The following RPH3AL variants were observed in gnomAD, a reference collection of about 807,000 sequenced individuals.
The protein encoded by RPH3AL is rabphilin 3A like (without C2 domains), also known as rab effector Noc2.
In RPH3AL, 38 loss-of-function variants were observed where a neutral mutation model predicts 43.1. The ratio of observed to expected loss-of-function variants is 0.88; its 90% CI spans 0.68 to 1.15. The LOEUF (loss-of-function observed/expected upper bound fraction) is 1.15. Among genes scored for constraint, RPH3AL ranks in the 50% most tolerant of loss-of-function variants. The pLI is 0.00. For synonymous variants in RPH3AL, 189 were observed against 176.3 expected, an observed-to-expected ratio of 1.07 and a Z score of -0.57; for missense variants, 462 against 423.2, an observed-to-expected ratio of 1.09 and a Z score of -0.81.
chr17:321,481 C>T, intron 3 of RPH3AL, 66 bp from the exon 4 acceptor site: 2 of 1,465,638 alleles, frequency 1.4e-6, no homozygotes, highest in South Asian at 2.8e-5. Flanking sequence ...GCCCCTACCA[C>T]ATCCACCAAG....
At chr17:279,625 T>C (rs2042732131) in intron 6 of RPH3AL, among the ~76,000 whole-genome samples, 1 of 152,132 alleles carries the variant, frequency 6.6e-6, no homozygotes, top group South Asian at 2.1e-4. Context: ...CTTGCTAAAT[T>C]TGTCTTTCCT....
Position 245,098 on chromosome 17 carries a change from C to T in RPH3AL, c.613+2013G>A, listed in dbSNP as rs191995464. ...ATGTGCATGCGCAAGTGTGTGTAGA[C>T]GTGTGTGTACATGTGGATGTGTGTG... On this transcript the variant is annotated intron_variant, in intron 7 of 9. Transcript: ENST00000331302. This position sits in a 1 kb window ranked among gnomAD's most constrained non-coding sequence, Gnocchi z 5.9. Among the ~76,000 whole-genome samples the T allele has an allele frequency of 8.7e-4, 129 of 147,954 alleles. 1 individual carries two copies. In the East Asian group the frequency reaches 0.019, roughly 22 times the overall value.
chr17:229,169 G>A (rs530982564), intron 7 of RPH3AL, among the ~76,000 whole-genome samples: 13 of 152,246 alleles, frequency 8.5e-5, no homozygotes, highest in Admixed American at 2.6e-4. Flanking sequence ...AAAGAAGCAG[G>A]GAAGACGCAA....
At chr17:229,620 A>C (rs2041182693) in intron 7 of RPH3AL, among the ~76,000 whole-genome samples, 1 of 152,022 alleles carries the variant, frequency 6.6e-6, no homozygotes. Flanking sequence ...ACTCAGGGGG[A>C]TGCTTGGTGG....
intron 7 of RPH3AL, among the ~76,000 whole-genome samples, chr17:230,988 T>C (rs774427915): frequency 6.6e-6 from 1 of 152,204 alleles, no homozygotes; most frequent in South Asian, 2.1e-4. Flanking sequence ...ACCTGGCCTC[T>C]TGCTGATGTT....
chr17:315,645 G>A (rs2044022710), intron 5 of RPH3AL, among the ~76,000 whole-genome samples: 1 of 150,308 alleles, frequency 6.7e-6, no homozygotes, highest in Admixed American at 6.6e-5. Flanking sequence ...CTGACCTGTA[G>A]TCCCTGTGCT....
intron 5 of RPH3AL, among the ~76,000 whole-genome samples, chr17:302,362 C>T (rs190516433): frequency 2.6e-5 from 4 of 152,202 alleles, no homozygotes; most frequent in South Asian, 2.1e-4. Flanking sequence ...GGCAGGTCCA[C>T]GGAGTCACCC....
At chr17:332,914 G>A in intron 2 of RPH3AL, 1 of 878,750 alleles carries the variant, frequency 1.1e-6, no homozygotes, top group Non-Finnish European at 1.6e-6. Flanking sequence ...CCGCAGTACA[G>A]GGACTAGGAG....
intron 7 of RPH3AL, 108 bp from the exon 8 acceptor site, chr17:219,844 G>T: frequency 1.3e-6 from 1 of 766,772 alleles, no homozygotes; most frequent in Non-Finnish European, 2.3e-6. Flanking sequence ...ACGTGGCGTA[G>T]CAGCTCAGCT....
chr17:247,944 G>C (rs1040065069), intron 6 of RPH3AL, among the ~76,000 whole-genome samples: 1 of 152,088 alleles, frequency 6.6e-6, no homozygotes, highest in African/African-American at 2.4e-5. Flanking sequence ...ACCTTCTCTC[G>C]CTGGCCCAAG....
intron 3 of RPH3AL, among the ~76,000 whole-genome samples, chr17:324,620 G>A (rs1214780915): frequency 2.6e-5 from 4 of 152,130 alleles, no homozygotes; most frequent in South Asian, 2.1e-4. Flanking sequence ...TTCACCTGGG[G>A]CCCCTGTCTC....
At chr17:315,938 C>T (rs1598104234) in intron 5 of RPH3AL, among the ~76,000 whole-genome samples, 2 of 148,280 alleles carry the variant, frequency 1.3e-5, no homozygotes, top group Non-Finnish European at 3.0e-5. Context: ...GCCCCCACCT[C>T]CATTGACCTG....
At chr17:321,007 C>T (rs1221113718) in intron 4 of RPH3AL, among the ~76,000 whole-genome samples, 2 of 152,198 alleles carry the variant, frequency 1.3e-5, no homozygotes, top group Non-Finnish European at 2.9e-5. Context: ...CTTCACCAGG[C>T]TCATTCACGC....
rs1436071400 is a variant in RPH3AL, at chr17:274,681, T to C, written c.438+7087A>G. ...AAGGTGCCTCCTGCATGGGGCAGGG[T>C]CACAGGCACAATCCCAGACCAAGGG... On this transcript the variant is annotated intron_variant, in intron 6 of 9. Transcript: ENST00000331302. The surrounding 1 kb of genome is among the most constrained non-coding windows in gnomAD (Gnocchi z 4.7). Among the ~76,000 whole-genome samples the C allele has an allele frequency of 6.6e-6, 1 of 151,964 alleles. No homozygotes were observed. Among genetic ancestry groups the C allele is most frequent in the South Asian group, 2.1e-4 (1 of 4,814 alleles).
chr17:276,775 G>A (rs899302555), intron 6 of RPH3AL, among the ~76,000 whole-genome samples: 6 of 151,986 alleles, frequency 3.9e-5, no homozygotes, highest in Admixed American at 2.6e-4. Context: ...CTCATTTTCT[G>A]GGTACCAATT....
intron 6 of RPH3AL, among the ~76,000 whole-genome samples, chr17:278,860 G>A (rs1199108949): frequency 6.6e-6 from 1 of 152,152 alleles, no homozygotes; most frequent in African/African-American, 2.4e-5. Flanking sequence ...CTGCCGCCTG[G>A]TGAAAGGGCA....
intron 5 of RPH3AL, among the ~76,000 whole-genome samples, chr17:295,284 A>T (rs1192545071): frequency 8.2e-6 from 1 of 122,314 alleles, no homozygotes; most frequent in Non-Finnish European, 1.6e-5. Flanking sequence ...AGGGACAGAG[A>T]TGCTGCAGAA....
chr17:257,626 AATATG>A (rs2042085412), intron 6 of RPH3AL, among the ~76,000 whole-genome samples: 1 of 38,238 alleles, frequency 2.6e-5, no homozygotes, highest in African/African-American at 1.9e-4. Context: ...CATCCCTAGG[AATATG>A]ACTACCCTAC....
intron 6 of RPH3AL, among the ~76,000 whole-genome samples, chr17:269,151 C>T (rs577196565): frequency 7.7e-4 from 117 of 152,178 alleles, no homozygotes; most frequent in East Asian, 1.4e-3. Context: ...GTGCTGGGAT[C>T]ACAGGCGTGA....
Sources: allele counts gnomAD v4.1 joint callset (sites outside exome capture counted in the v4.1 genomes callset), GRCh38; gene constraint gnomAD v4.1.1; non-coding constraint Gnocchi (gnomAD v3.1); transcripts MANE v1.5; gene names NCBI Gene and HGNC (gene_info 2026-07-23, HGNC 2026-07-21).